Variants in MMP26 observed in about 807,000 individuals in gnomAD.
The protein encoded by MMP26 is matrix metalloproteinase-26.
In MMP26, 33 loss-of-function variants were observed where a neutral mutation model predicts 31.0. The ratio of observed to expected loss-of-function variants is 1.06; its 90% CI spans 0.81 to 1.42. The LOEUF is 1.42. MMP26 is among the 40% of genes most tolerant of loss of function. The pLI, the probability that MMP26 is intolerant of heterozygous loss-of-function variation, is 0.00. For missense variants in MMP26, 347 were observed against 316.1 expected, an observed-to-expected ratio of 1.10 and a Z score of -0.74; for synonymous variants, 122 against 114.9, an observed-to-expected ratio of 1.06 and a Z score of -0.40.
intron 2 of MMP26, among the ~76,000 whole-genome samples, chr11:4,813,360 ATTTTCCTT>A (rs1849376552): frequency 6.6e-6 from 1 of 151,922 alleles, no homozygotes; most frequent in Non-Finnish European, 1.5e-5. Context: ...TCAGTAATTG[ATTTTCCTT>A]TTTTCCTTTC....
At chr11:4,813,599 TAGAAATC>T (rs1363971320) in intron 2 of MMP26, among the ~76,000 whole-genome samples, 1 of 151,360 alleles carries the variant, frequency 6.6e-6, no homozygotes, top group Non-Finnish European at 1.5e-5. Context: ...CTAGAACAAT[TAGAAATC>T]AGTATGAAAA....
In MMP26 at chr11:4,988,274, C is replaced by T; in HGVS notation, c.63C>T (p.Pro21=). ...CCTGGTGTTTCGCCGTTCCAGTGCC[C>T]CCTGCTGCAGACCATAAAGGATGGG... ...FLPWCFAVPV[P]PAADHKGWDF... is the part of the protein sequence containing the mutation. Residue 21 remains proline, a synonymous_variant, in exon 3 of 8, where the codon CCC becomes CCT. Transcript: ENST00000380390. 2 of 1,614,038 alleles carry T rather than the reference C, an allele frequency of 1.2e-6. No individual in the cohort carries two copies. The highest frequency in any genetic ancestry group is 1.7e-6 in the Non-Finnish European group (2 of 1,180,018).
At chr11:4,831,367 T>C (rs1273202911) in intron 2 of MMP26, among the ~76,000 whole-genome samples, 1 of 152,176 alleles carries the variant, frequency 6.6e-6, no homozygotes, top group East Asian at 1.9e-4. Context: ...ACTGTCAAGA[T>C]CTGGCAAATG....
At chr11:4,723,672 C>T (rs1431125950) in intron 1 of MMP26, 2 of 880,958 alleles carry the variant, frequency 2.3e-6, no homozygotes. Flanking sequence ...AGTTCTCCAT[C>T]AGCCCTTGCA....
At chr11:4,798,355 G>T (rs1234465557) in intron 2 of MMP26, among the ~76,000 whole-genome samples, 1 of 152,216 alleles carries the variant, frequency 6.6e-6, no homozygotes, top group Non-Finnish European at 1.5e-5. Context: ...TCATGTCAAG[G>T]TGGGACTACA....
chr11:4,921,365 T>C (rs1851181723), intron 2 of MMP26, among the ~76,000 whole-genome samples: 4 of 152,152 alleles, frequency 2.6e-5, no homozygotes, highest in Admixed American at 2.6e-4. Context: ...GACTAGGTTG[T>C]AAACATGGAT....
chr11:4,933,162 T>G (rs956200928), intron 2 of MMP26, among the ~76,000 whole-genome samples: 4 of 152,084 alleles, frequency 2.6e-5, no homozygotes, highest in Non-Finnish European at 5.9e-5. Context: ...TATTATAAAC[T>G]GAGGATTAAA....
rs138452653 is a variant in MMP26, at chr11:4,921,858, T to A, written c.-144-66210T>A. 3.0e-3 allele frequency among the ~76,000 whole-genome samples: 453 copies of A among 152,306 alleles called. 2 individuals are homozygous for A. Among genetic ancestry groups the A allele is most frequent in the Middle Eastern group, 0.014 (4 of 294 alleles). On this transcript the variant is annotated intron_variant, in intron 2 of 7. Transcript: ENST00000380390. ...ATTAAAAGTTATTGCTTTTAAAAAA[T>A]TTGTATAATTTTAAAGGGTACAAGT...
intron 2 of MMP26, among the ~76,000 whole-genome samples, chr11:4,962,984 C>T (rs1295243107): frequency 6.6e-6 from 1 of 152,128 alleles, no homozygotes; most frequent in Admixed American, 6.6e-5. Context: ...AGAATTTATC[C>T]TCATCTGCCA....
intron 2 of MMP26, among the ~76,000 whole-genome samples, chr11:4,916,285 C>T (rs146515689): frequency 4.7e-4 from 72 of 152,210 alleles, no homozygotes; most frequent in Middle Eastern, 3.4e-3. Flanking sequence ...TAGCAGCATA[C>T]TCCTTGTGTT....
chr11:4,823,257 C>T (rs893564369), intron 2 of MMP26, among the ~76,000 whole-genome samples: 3 of 152,110 alleles, frequency 2.0e-5, no homozygotes, highest in Non-Finnish European at 4.4e-5. Flanking sequence ...TTTGTGTGTG[C>T]TTCAATAGCA....
At chr11:4,754,663 T>G (rs533978134) in intron 1 of MMP26, among the ~76,000 whole-genome samples, 1 of 152,002 alleles carries the variant, frequency 6.6e-6, no homozygotes, top group South Asian at 2.1e-4. Context: ...TGACTAGTAC[T>G]TACTTATAGC....
chr11:4,913,442 C>G (rs963406714), intron 2 of MMP26: 1 of 152,160 alleles, frequency 6.6e-6, no homozygotes, highest in Non-Finnish European at 1.5e-5. Context: ...TCTAGGTGTT[C>G]GAAGCTCCCC....
intron 2 of MMP26, chr11:4,913,926 G>C (rs374602298): frequency 6.6e-6 from 1 of 152,108 alleles, no homozygotes; most frequent in Non-Finnish European, 1.5e-5. Context: ...CCTTCCCCCA[G>C]CTAGGGGAAG....
At position 4,920,043 on chromosome 11, in the gene MMP26, G is replaced by A. The variant is rs548764752; in HGVS notation, c.-144-68025G>A. ...AAAAGGAGTTTTTATGTGATTACAA[G>A]GGTATGAAGAGTTAATTTTTGGCCC... On this transcript the variant is annotated intron_variant, in intron 2 of 7. Transcript: ENST00000380390. Among the ~76,000 whole-genome samples, 4 of 152,254 alleles carry A rather than the reference G, an allele frequency of 2.6e-5. No homozygotes were observed. The Middle Eastern group carries it at 0.01, about 388-fold the overall frequency.
At chr11:4,898,916 T>G (rs1371619483) in intron 2 of MMP26, among the ~76,000 whole-genome samples, 1 of 151,134 alleles carries the variant, frequency 6.6e-6, no homozygotes, top group Non-Finnish European at 1.5e-5. Flanking sequence ...GAAGGAAGCT[T>G]TATTAGTTAG....
At chr11:4,981,785 C>A (rs1846816864) in intron 2 of MMP26, among the ~76,000 whole-genome samples, 2 of 151,634 alleles carry the variant, frequency 1.3e-5, no homozygotes, top group African/African-American at 2.4e-5. Context: ...TTCTTTATAT[C>A]CTTATTCTAT....
At chr11:4,980,718 A>T (rs1846800876) in intron 2 of MMP26, among the ~76,000 whole-genome samples, 1 of 152,076 alleles carries the variant, frequency 6.6e-6, no homozygotes, top group African/African-American at 2.4e-5. Flanking sequence ...AATATGAAAG[A>T]TTACTTTGTG....
intron 2 of MMP26, among the ~76,000 whole-genome samples, chr11:4,812,287 CAT>C (rs1849360595): frequency 6.6e-6 from 1 of 151,700 alleles, no homozygotes; most frequent in Non-Finnish European, 1.5e-5. Flanking sequence ...TAATATGTAA[CAT>C]AAATATTACA....
Sources: gnomAD v4.1 joint callset for allele counts (sites outside exome capture counted in the v4.1 genomes callset) on GRCh38, gnomAD v4.1.1 for gene constraint, MANE v1.5 for transcripts, NCBI Gene and HGNC (gene_info 2026-07-23, HGNC 2026-07-21) for gene names.